Variants in RPL28 observed in about 807,000 individuals in gnomAD.
RPL28 encodes ribosomal protein L28.
RPL28 carries 4 observed loss-of-function variants against 12.5 expected under a neutral mutation model. That is an observed-to-expected ratio of 0.32 (90% CI 0.16 to 0.73). The LOEUF is 0.73. Among genes scored for constraint, RPL28 ranks in the 30% least tolerant of loss-of-function variants. The pLI is 0.66. For missense variants in RPL28, 214 were observed against 197.7 expected (o/e 1.08, Z -0.49); for synonymous variants, 91 against 72.5 (o/e 1.26, Z -1.30).
chr19:55,395,267 G>A (rs1233264026), downstream of RPL28, among the ~76,000 whole-genome samples: 2 of 152,054 alleles, frequency 1.3e-5, no homozygotes. Context: ...CTCCCAAGTA[G>A]CTGGGATTAC....
In RPL28 at chr19:55,390,534, A is replaced by C. The variant is rs751405713; in HGVS notation, c.*2202A>C. ...CTGCTGCTCAGAAGGCCTTGTCCTT[A>C]ACCACCTCCTTGCCTGCCCTGGAGG... On this transcript the variant is annotated 3_prime_UTR_variant, in exon 5 of 5. Coordinates refer to ENST00000344063, the MANE Select transcript of RPL28 (RefSeq NM_000991.5). 1 of 985,320 alleles carries C rather than the reference A, an allele frequency of 1.0e-6. No individual in the cohort carries two copies. The highest frequency in any genetic ancestry group is 1.2e-6 in the Non-Finnish European group (1 of 829,986). The allele number at this position is 985,320 out of a possible 1,614,324, so 61.0% of individuals were successfully genotyped here. A position where few individuals can be genotyped will look rare whatever the true frequency, so the allele number is the denominator to read the frequency against.
At position 55,392,027 on chromosome 19, in the gene RPL28, T is replaced by G; in HGVS notation, c.*3695T>G. ...GCTGTTTGGCGCTGCCCAGGAATGG[T>G]ATCAATTCCCCTGTTTCTCTTGTAG... On this transcript the variant is annotated 3_prime_UTR_variant, in exon 5 of 5. Transcript: ENST00000344063. The G allele has an allele frequency of 9.3e-7, 1 of 1,074,780 alleles. No individual in the cohort carries two copies. The allele number at this position is 1,074,780 out of a possible 1,614,324, so 66.6% of individuals were successfully genotyped here.
Position 55,391,901 on chromosome 19 carries a change from G to A in RPL28, c.*3569G>A, listed in dbSNP as rs1040186091. The A allele has an allele frequency of 4.2e-5, 56 of 1,327,726 alleles. No individual in the cohort carries two copies. The highest frequency in any genetic ancestry group is 5.0e-5 in the Non-Finnish European group (52 of 1,034,496). The allele number at this position is 1,327,726 out of a possible 1,614,324, so 82.2% of individuals were successfully genotyped here. A position where few individuals can be genotyped will look rare whatever the true frequency, so the allele number is the denominator to read the frequency against. ...GATCCATGTGCAGTAATGCCTGGTG[G>A]CTCCAGGTCTGCCCCGCCGTCCTGT... is the stretch of plus-strand genomic sequence containing the variant. On this transcript the variant is annotated 3_prime_UTR_variant, in exon 5 of 5. Coordinates refer to ENST00000344063, the MANE Select transcript of RPL28 (RefSeq NM_000991.5).
rs571490832 is a variant in RPL28, at chr19:55,387,359, C to A, written c.206-571C>A. On this transcript the variant is annotated intron_variant, in intron 3 of 4. Transcript: ENST00000344063. Reference sequence around the variant, plus strand: ...CCTTTTACTCAGTGGCAGCAACAAACGCAGTCTGTTGGCTAGTGATCCTCC... The same window carrying A: ...CCTTTTACTCAGTGGCAGCAACAAAAGCAGTCTGTTGGCTAGTGATCCTCC... The A allele has an allele frequency of 3.9e-6, 6 of 1,551,518 alleles. No individual in the cohort carries two copies. In the African/African-American group the frequency reaches 8.2e-5, roughly 21 times the overall value.
chr19:55,402,589 C>G (rs978529208), intron 4 of RPL28, among the ~76,000 whole-genome samples: 1 of 152,194 alleles, frequency 6.6e-6, no homozygotes, highest in Admixed American at 6.5e-5. Flanking sequence ...CCTGGCTCAG[C>G]AGATGCTCAG....
rs1263451603 is a variant in RPL28, at chr19:55,388,231, C to T, written c.325-12C>T. ...GTATGGGCTGAGCCTTGCTCTGCTC[C>T]CCCGCCCCCAGGCAGCCATCCGCAG... is the stretch of plus-strand genomic sequence containing the variant. On this transcript the variant is annotated splice_polypyrimidine_tract_variant and intron_variant, in intron 4 of 4. Coordinates refer to ENST00000344063, the MANE Select transcript of RPL28 (RefSeq NM_000991.5). 4 of 1,525,810 alleles carry T rather than the reference C, an allele frequency of 2.6e-6. No homozygotes were observed. Among genetic ancestry groups the T allele is most frequent in the Admixed American group, 4.5e-5 (2 of 44,664 alleles). The allele number at this position is 1,525,810 out of a possible 1,614,324, so 94.5% of individuals were successfully genotyped here.
downstream of RPL28, among the ~76,000 whole-genome samples, chr19:55,395,715 T>C (rs543673603): frequency 1.3e-5 from 2 of 152,198 alleles, no homozygotes; most frequent in South Asian, 2.1e-4. Flanking sequence ...AGTGCTGGGA[T>C]TACAGGCATG....
downstream of RPL28, among the ~76,000 whole-genome samples, chr19:55,396,004 G>A (rs557309088): frequency 4.6e-5 from 7 of 152,126 alleles, no homozygotes; most frequent in South Asian, 1.0e-3. Flanking sequence ...TTGTCTGAGC[G>A]CGGTGGCACA....
intron 3 of RPL28, chr19:55,387,210 C>T (rs931303378): frequency 3.4e-5 from 49 of 1,428,668 alleles, no homozygotes; most frequent in Non-Finnish European, 4.2e-5. Context: ...CCTGAATGTT[C>T]GTGTGAGTCG....
rs1357413910 is a variant in RPL28, at chr19:55,391,360, T to C, written c.*3028T>C. ...TATGTAAAAGGCCATTTTGAGTGCCTTTCACAGCCCTGCATAAGGCAGGTG... is the reference window on the plus strand; with the variant it reads ...TATGTAAAAGGCCATTTTGAGTGCCCTTCACAGCCCTGCATAAGGCAGGTG... On this transcript the variant is annotated 3_prime_UTR_variant, in exon 5 of 5. Transcript: ENST00000344063. 2 of 1,199,654 alleles carry C rather than the reference T, an allele frequency of 1.7e-6. No individual in the cohort carries two copies. The highest frequency in any genetic ancestry group is 2.1e-6 in the Non-Finnish European group (2 of 955,104). 74.3% of individuals were successfully genotyped at this position (1,199,654 alleles called of 1,614,324 possible).
At chr19:55,393,108 C>T (rs141244471), downstream of RPL28, among the ~76,000 whole-genome samples, 2,214 of 151,504 alleles carry the variant, frequency 0.015, 53 homozygotes, top group African/African-American at 0.045. Context: ...TGAATCACAC[C>T]TCCAGCGGCC....
In RPL28 at chr19:55,391,387, CT is replaced by C. The variant is rs1403053426; in HGVS notation, c.*3056del. 2 of 1,265,524 alleles carry C rather than the reference CT, an allele frequency of 1.6e-6. No homozygotes were observed. The highest frequency in any genetic ancestry group is 6.0e-5 in the East Asian group (2 of 33,556). The allele number at this position is 1,265,524 out of a possible 1,614,324, so 78.4% of individuals were successfully genotyped here. On this transcript the variant is annotated 3_prime_UTR_variant, in exon 5 of 5. Coordinates refer to ENST00000344063, the MANE Select transcript of RPL28 (RefSeq NM_000991.5). ...TCACAGCCCTGCATAAGGCAGGTGT[CT>C]CAGTGTTCACTGCTGTCTCTCCAGC... is the stretch of plus-strand genomic sequence containing the variant.
intron 3 of RPL28, chr19:55,387,479 C>A: frequency 6.8e-7 from 1 of 1,468,356 alleles, no homozygotes; most frequent in Admixed American, 2.5e-5. Context: ...TCTTGGATTG[C>A]CGAATACATG....
chr19:55,402,042 C>T (rs984100427), intron 4 of RPL28, among the ~76,000 whole-genome samples: 3 of 152,190 alleles, frequency 2.0e-5, no homozygotes, highest in Non-Finnish European at 4.4e-5. Flanking sequence ...TGCTGGGTAA[C>T]GGGGGAAACG....
intron 1 of RPL28, 64 bp from the exon 2 acceptor site, chr19:55,386,286 C>G: frequency 1.3e-6 from 2 of 1,481,602 alleles, no homozygotes; most frequent in Non-Finnish European, 1.9e-6. Flanking sequence ...CGAGCGTGGC[C>G]CGTGGCCTAA....
rs141092845 is a variant in RPL28 at position 55,389,929 on chromosome 19, C to T, written c.*1597C>T. ...GTCCCAGTCCCACTCAGGCCCATCT[C>T]TGGCTGGCCTCACTGCGCTGGGACT... On this transcript the variant is annotated 3_prime_UTR_variant, in exon 5 of 5. Coordinates refer to ENST00000344063, the MANE Select transcript of RPL28 (RefSeq NM_000991.5). 1.6e-5 allele frequency: 16 copies of T among 985,546 alleles called. No homozygotes were observed. In the African/African-American group the frequency reaches 2.4e-4, roughly 15 times the overall value. 61.1% of individuals were successfully genotyped at this position (985,546 alleles called of 1,614,324 possible). A position where few individuals can be genotyped will look rare whatever the true frequency, so the allele number is the denominator to read the frequency against.
Position 55,387,919 on chromosome 19 carries a change from C to T in RPL28, c.206-11C>T, listed in dbSNP as rs779355691. 58 of 1,557,734 alleles carry T rather than the reference C, an allele frequency of 3.7e-5. No individual in the cohort carries two copies. The highest frequency in any genetic ancestry group is 4.3e-5 in the Non-Finnish European group (50 of 1,150,142). ...TGGACTGACCCCAGGACCTCCCTGA[C>T]CCCCAACCAGGCCAGCGGAAGCCTG... On this transcript the variant is annotated splice_polypyrimidine_tract_variant and intron_variant, in intron 3 of 4. Transcript: ENST00000344063.
In RPL28 at chr19:55,386,682, A is replaced by G. The variant is rs1485138234; in HGVS notation, c.194A>G (p.Lys65Arg). Residue 65 changes from lysine to arginine, a missense_variant, in exon 3 of 5, where the codon AAG (lysine) becomes AGG (arginine). Physicochemically the swap from Lys to Arg is conservative, Grantham distance 26 (BLOSUM62 2). Coordinates refer to ENST00000344063, the MANE Select transcript of RPL28 (RefSeq NM_000991.5). Reference sequence around the variant, plus strand: ...GGCAAAGGTGTCGTGGTGGTCATTAAGCGGAGATCCGGTGAGTTTTGTCTG... The same window carrying G: ...GGCAAAGGTGTCGTGGTGGTCATTAGGCGGAGATCCGGTGAGTTTTGTCTG... ...ADGKGVVVVI[K>R]RRSGQRKPAT... is the part of the protein sequence containing the mutation. The G allele has an allele frequency of 4.3e-6, 7 of 1,614,118 alleles. No individual in the cohort carries two copies. In the South Asian group the frequency reaches 6.6e-5, roughly 15 times the overall value.
At position 55,389,482 on chromosome 19, in the gene RPL28, G is replaced by T; in HGVS notation, c.*1150G>T. 1 of 985,416 alleles carries T rather than the reference G, an allele frequency of 1.0e-6. No individual in the cohort carries two copies. Among genetic ancestry groups the T allele is most frequent in the Non-Finnish European group, 1.2e-6 (1 of 829,944 alleles). 61.0% of individuals were successfully genotyped at this position (985,416 alleles called of 1,614,324 possible). A position where few individuals can be genotyped will look rare whatever the true frequency, so the allele number is the denominator to read the frequency against. On this transcript the variant is annotated 3_prime_UTR_variant, in exon 5 of 5. Transcript: ENST00000344063. ...TGGCACCCCTGGTTCCTGCCATCCT[G>T]GGGTACCCGATTCAAAGAAGGACTC...
Sources: gnomAD v4.1 joint callset for allele counts (sites outside exome capture counted in the v4.1 genomes callset) on GRCh38, gnomAD v4.1.1 for gene constraint, MANE v1.5 for transcripts, NCBI Gene and HGNC (gene_info 2026-07-23, HGNC 2026-07-21) for gene names.